Variants in MGAT4C observed in about 807,000 individuals in gnomAD.
MGAT4C encodes the protein alpha-1,3-mannosyl-glycoprotein 4-beta-N-acetylglucosaminyltransferase C.
In MGAT4C, 19 loss-of-function variants were observed where a neutral mutation model predicts 40.1. That is an observed-to-expected ratio of 0.47 (90% CI 0.33 to 0.70). The LOEUF (loss-of-function observed/expected upper bound fraction) is 0.70, where lower values mean the gene tolerates loss of function less well. Among genes scored for constraint, MGAT4C ranks in the 30% least tolerant of loss-of-function variants. The pLI is 0.02. For synonymous variants in MGAT4C, 181 were observed against 187.1 expected, an observed-to-expected ratio of 0.97 and a Z score of 0.27; for missense variants, 491 against 563.2, an observed-to-expected ratio of 0.87 and a Z score of 1.30.
At chr12:86,165,181 A>G (rs1380203910) in intron 1 of MGAT4C, among the ~76,000 whole-genome samples, 2 of 152,180 alleles carry the variant, frequency 1.3e-5, no homozygotes, top group African/African-American at 4.8e-5. Context: ...TTAAGCTAGG[A>G]TAATTAGATT....
At chr12:86,117,680 T>C (rs1256736234) in intron 1 of MGAT4C, among the ~76,000 whole-genome samples, 2 of 152,122 alleles carry the variant, frequency 1.3e-5, no homozygotes, top group African/African-American at 2.4e-5. Flanking sequence ...ATTGGCATCA[T>C]TGAGAAGGAG....
At chr12:86,825,366 A>G (rs1007041026) in intron 1 of MGAT4C, among the ~76,000 whole-genome samples, 2 of 151,324 alleles carry the variant, frequency 1.3e-5, no homozygotes, top group African/African-American at 4.8e-5. Context: ...TATACGAGAT[A>G]AACCTGACGC....
At chr12:86,768,394 C>T (rs1951557456) in intron 1 of MGAT4C, among the ~76,000 whole-genome samples, 1 of 152,052 alleles carries the variant, frequency 6.6e-6, no homozygotes, top group East Asian at 1.9e-4. Flanking sequence ...AAGAACATTC[C>T]ATGCTCATGG....
At chr12:86,101,835 C>T (rs78440097) in intron 1 of MGAT4C, among the ~76,000 whole-genome samples, 11,412 of 151,904 alleles carry the variant, frequency 0.075, 584 homozygotes, top group Middle Eastern at 0.21. Flanking sequence ...GATTTAAAGG[C>T]TATGCATTAT....
intron 4 of MGAT4C, among the ~76,000 whole-genome samples, chr12:85,981,835 G>A (rs913837017): frequency 1.3e-5 from 2 of 152,078 alleles, no homozygotes; most frequent in Admixed American, 6.5e-5. Context: ...CATTGCCTCT[G>A]GTAGAAAGCA....
In MGAT4C at chr12:86,675,972, CA is replaced by C. The variant is rs56178472; in HGVS notation, c.-229+51236del. 7.6e-4 allele frequency among the ~76,000 whole-genome samples: 111 copies of C among 145,384 alleles called. 1 individual carries two copies. Among genetic ancestry groups the C allele is most frequent in the African/African-American group, 2.6e-3 (102 of 39,766 alleles). Reference sequence around the variant, plus strand: ...CTCATTAATCACAAAGATAAAAAAGCAAAAAAAAAAAACATTCATTTCAATG... The same window carrying C: ...CTCATTAATCACAAAGATAAAAAAGCAAAAAAAAAAACATTCATTTCAATG... On this transcript the variant is annotated intron_variant, in intron 2 of 7. Coordinates refer to the MGAT4C transcript ENST00000548651.
chr12:86,639,074 G>T (rs188951509), intron 2 of MGAT4C, among the ~76,000 whole-genome samples: 1 of 151,500 alleles, frequency 6.6e-6, no homozygotes, highest in Admixed American at 6.6e-5. Flanking sequence ...AATCACTTTG[G>T]CCCTTTTTAT....
chr12:86,489,642 G>C (rs1304693794), intron 2 of MGAT4C, among the ~76,000 whole-genome samples: 1 of 152,288 alleles, frequency 6.6e-6, no homozygotes, highest in East Asian at 1.9e-4. Flanking sequence ...ACTCCTGCTG[G>C]CACTGAAGCT....
intron 1 of MGAT4C, among the ~76,000 whole-genome samples, chr12:86,082,759 AAT>A (rs1871081890): frequency 6.6e-6 from 1 of 152,122 alleles, no homozygotes; most frequent in African/African-American, 2.4e-5. Flanking sequence ...ATGGGAAAAT[AAT>A]GGAAGGGTTT....
At chr12:86,185,663 A>T (rs529648235) in intron 1 of MGAT4C, among the ~76,000 whole-genome samples, 2 of 152,342 alleles carry the variant, frequency 1.3e-5, no homozygotes, top group Admixed American at 6.5e-5. Context: ...ACTTGAAATC[A>T]GCAATTAACT....
At chr12:86,425,396 GCTCTTGCT>G (rs1287374798) in intron 3 of MGAT4C, among the ~76,000 whole-genome samples, 1 of 151,978 alleles carries the variant, frequency 6.6e-6, no homozygotes, top group Non-Finnish European at 1.5e-5. Context: ...GCACTTCCTC[GCTCTTGCT>G]CTCTTGCTCT....
intron 1 of MGAT4C, among the ~76,000 whole-genome samples, chr12:86,056,460 A>C (rs1039296389): frequency 1.3e-5 from 2 of 151,924 alleles, no homozygotes; most frequent in African/African-American, 4.8e-5. Context: ...TTCAATTCCC[A>C]CCTATGAGTG....
intron 2 of MGAT4C, among the ~76,000 whole-genome samples, chr12:86,467,955 T>G (rs1957705398): frequency 6.6e-6 from 1 of 152,110 alleles, no homozygotes; most frequent in South Asian, 2.1e-4. Context: ...GCTGCTATCT[T>G]TTTCCACATC....
chr12:86,761,412 A>G (rs888465739), intron 1 of MGAT4C, among the ~76,000 whole-genome samples: 3 of 152,210 alleles, frequency 2.0e-5, no homozygotes, highest in African/African-American at 7.2e-5. Context: ...AAAGTAGTGG[A>G]ATAATACAAT....
intron 1 of MGAT4C, among the ~76,000 whole-genome samples, chr12:86,246,583 C>A (rs1001107908): frequency 6.6e-6 from 1 of 152,096 alleles, no homozygotes; most frequent in African/African-American, 2.4e-5. Context: ...AATTTTTAAA[C>A]GTAGCTATAT....
chr12:86,006,403 A>G lies in MGAT4C; in HGVS notation c.-6-16851T>C, dbSNP rs559972430. Among the ~76,000 whole-genome samples, 26 of 152,288 alleles carry G rather than the reference A, an allele frequency of 1.7e-4. No homozygotes were observed. In the South Asian group the frequency reaches 5.4e-3, roughly 32 times the overall value. On this transcript the variant is annotated intron_variant, in intron 2 of 4. Transcript: ENST00000611864. Reference sequence around the variant, plus strand: ...ATTCCTGACTGCTAACCCATCCAGCAAATATATTATACTACCATATCCCAA... The same window carrying G: ...ATTCCTGACTGCTAACCCATCCAGCGAATATATTATACTACCATATCCCAA...
At chr12:86,703,038 T>C (rs541605240) in intron 2 of MGAT4C, among the ~76,000 whole-genome samples, 171 of 152,294 alleles carry the variant, frequency 1.1e-3, no homozygotes, top group African/African-American at 4.0e-3. Context: ...ATTTTGAGAC[T>C]TTCAAGTCGG....
intron 1 of MGAT4C, among the ~76,000 whole-genome samples, chr12:86,153,400 A>G (rs1185666571): frequency 6.6e-6 from 1 of 152,250 alleles, no homozygotes; most frequent in East Asian, 1.9e-4. Context: ...TAGACATAGC[A>G]TTGAATCCTT....
Position 85,959,866 on chromosome 12 carries a change from TTA to T in MGAT4C, c.*19421_*19422del, listed in dbSNP as rs1036638503. On this transcript the variant is annotated 3_prime_UTR_variant, in exon 5 of 5. Coordinates refer to ENST00000611864, the MANE Select transcript of MGAT4C (RefSeq NM_001351288.2). ...TTGATATTGTCATTTATCAATTTTA[TTA>T]TATGTCTTTTGCTTATTAAAGGATT... The T allele has an allele frequency of 4.1e-4, 63 of 152,144 alleles. 1 individual carries two copies. Among genetic ancestry groups the T allele is most frequent in the African/African-American group, 1.1e-3 (47 of 41,560 alleles). 9.4% of individuals were successfully genotyped at this position (152,144 alleles called of 1,614,324 possible). A position where few individuals can be genotyped will look rare whatever the true frequency, so the allele number is the denominator to read the frequency against.
Sources: allele counts gnomAD v4.1 joint callset (sites outside exome capture counted in the v4.1 genomes callset), GRCh38; gene constraint gnomAD v4.1.1; transcripts MANE v1.5; gene names NCBI Gene and HGNC (gene_info 2026-07-23, HGNC 2026-07-21).